Variants in TVP23B observed in about 807,000 individuals in gnomAD.
The protein encoded by TVP23B is trans-golgi network vesicle protein 23 homolog B, also known as Golgi apparatus membrane protein TVP23 homolog B.
Under a neutral mutation model 30.6 loss-of-function variants are expected in TVP23B, and 10 were observed. That is an observed-to-expected ratio of 0.33 (90% CI 0.20 to 0.55). The LOEUF is 0.55. Among genes scored for constraint, TVP23B ranks in the 20% least tolerant of loss-of-function variants. The pLI is 0.91. For missense variants in TVP23B, 153 were observed against 243.2 expected (o/e 0.63, Z 2.47); for synonymous variants, 67 against 83.1 (o/e 0.81, Z 1.06).
intron 1 of TVP23B, among the ~76,000 whole-genome samples, chr17:18,783,075 C>CTGTTTATTTATTTATT (rs2035832860): frequency 1.3e-5 from 1 of 77,258 alleles, no homozygotes; most frequent in African/African-American, 4.2e-5. Context: ...ACTGTTCCCA[C>CTGTTTATTTATTTATT]TATTTATTTA....
At chr17:18,802,185 G>T (rs565117991) in intron 5 of TVP23B, among the ~76,000 whole-genome samples, 2 of 152,084 alleles carry the variant, frequency 1.3e-5, no homozygotes, top group Non-Finnish European at 2.9e-5. Context: ...TCGTGCCACC[G>T]CACTCCAGCC....
rs142801332 is a variant in TVP23B at position 18,799,367 on chromosome 17, C to T, written c.462+424C>T. On this transcript the variant is annotated intron_variant, in intron 5 of 6. Transcript: ENST00000307767. The stretch of plus-strand genomic sequence containing the variant: ...TGGAATGATGGGGGTTGTGAGCCAT[C>T]TCCTCTTCATGAGGTCCCATGGCCT... Among the ~76,000 whole-genome samples the T allele has an allele frequency of 7.5e-3, 1,144 of 151,696 alleles. 13 individuals carry two copies. Among genetic ancestry groups the T allele is most frequent in the African/African-American group, 0.026 (1,075 of 41,310 alleles).
At chr17:18,790,451 G>A (rs546351225) in intron 2 of TVP23B, among the ~76,000 whole-genome samples, 16 of 130,852 alleles carry the variant, frequency 1.2e-4, no homozygotes, top group African/African-American at 2.6e-4. Context: ...GCGACGGAGC[G>A]AGACTCCGTC....
Position 18,805,712 on chromosome 17 carries a change from A to C in TVP23B, c.*145A>C. On this transcript the variant is annotated 3_prime_UTR_variant, in exon 7 of 7. Transcript: ENST00000307767. ...AACTTTATTTATAAAAAGGAAAAGT[A>C]GTTTTCATATTAAGTTTTTATTTCC... is the stretch of plus-strand genomic sequence containing the variant. 1 of 1,462,912 alleles carries C rather than the reference A, an allele frequency of 6.8e-7. No individual in the cohort carries two copies. The highest frequency in any genetic ancestry group is 9.0e-7 in the Non-Finnish European group (1 of 1,107,488). The allele number at this position is 1,462,912 out of a possible 1,614,324, so 90.6% of individuals were successfully genotyped here. A position where few individuals can be genotyped will look rare whatever the true frequency, so the allele number is the denominator to read the frequency against.
chr17:18,794,232 T>C (rs1223777056), intron 3 of TVP23B, among the ~76,000 whole-genome samples: 1 of 152,226 alleles, frequency 6.6e-6, no homozygotes, highest in Admixed American at 6.5e-5. Flanking sequence ...TTTGGGACTT[T>C]GTATGACAGA....
chr17:18,784,292 C>T (rs1378571383), intron 1 of TVP23B, among the ~76,000 whole-genome samples: 2 of 152,210 alleles, frequency 1.3e-5, no homozygotes, highest in Non-Finnish European at 2.9e-5. Context: ...GTCAGTCTCT[C>T]TTCCCCTCTC....
Position 18,787,402 on chromosome 17 carries a change from CA to C in TVP23B, c.13-1934del, listed in dbSNP as rs565447334. Among the ~76,000 whole-genome samples, 321 of 90,016 alleles carry C rather than the reference CA, an allele frequency of 3.6e-3. 2 individuals carry two copies. The highest frequency in any genetic ancestry group is 7.8e-3 in the Admixed American group (66 of 8,504). The allele number at this position is 90,016 out of a possible 152,430, so 59.1% of individuals were successfully genotyped here. On this transcript the variant is annotated intron_variant, in intron 1 of 6. Transcript: ENST00000307767. Reference sequence around the variant, plus strand: ...TGGGCGACAGAGCAAGACTCTGTCTCAAAAAAAAAAAAAAAAACCTTGTCTT... The same window carrying C: ...TGGGCGACAGAGCAAGACTCTGTCTCAAAAAAAAAAAAAAAACCTTGTCTT...
At chr17:18,789,188 G>C in intron 1 of TVP23B, 165 bp from the exon 2 acceptor site, 1 of 1,067,030 alleles carries the variant, frequency 9.4e-7, no homozygotes, top group Non-Finnish European at 1.3e-6. Context: ...GATTTGAGGA[G>C]GCGGGTGGAG....
At chr17:18,783,585 A>G (rs2035847400) in intron 1 of TVP23B, among the ~76,000 whole-genome samples, 1 of 152,062 alleles carries the variant, frequency 6.6e-6, no homozygotes, top group Admixed American at 6.6e-5. Context: ...TTCTTGTTTC[A>G]CTGAAAATGG....
intron 3 of TVP23B, 147 bp downstream of exon 3, chr17:18,791,187 G>GTTTT (rs762889436): frequency 1.3e-3 from 146 of 112,208 alleles, no homozygotes; most frequent in East Asian, 3.3e-3. Flanking sequence ...ATTGCATGTA[G>GTTTT]TTTTTTTTTT....
At chr17:18,800,468 T>C (rs1224586396) in intron 5 of TVP23B, among the ~76,000 whole-genome samples, 1 of 152,238 alleles carries the variant, frequency 6.6e-6, no homozygotes, top group Non-Finnish European at 1.5e-5. Flanking sequence ...TTTAAACATA[T>C]GAGCCTATTG....
At position 18,789,365 on chromosome 17, in the gene TVP23B, G is replaced by A. The variant is rs780048513; in HGVS notation, c.25G>A (p.Asp9Asn). 4.3e-6 allele frequency: 7 copies of A among 1,613,836 alleles called. No individual in the cohort carries two copies. The Admixed American group carries it at 1.2e-4, about 27-fold the overall frequency. Residue 9 changes from aspartate (D) to asparagine (N), a missense_variant, in exon 2 of 7, where the codon GAC (aspartate) becomes AAC (asparagine). Physicochemically the swap from Asp to Asn is conservative, Grantham distance 23 (BLOSUM62 1). This residue lies in a region of TVP23B where 38 missense variants were observed against 40.9 expected (regional missense o/e 0.93). Coordinates refer to ENST00000307767, the MANE Select transcript of TVP23B (RefSeq NM_016078.6). ...TTTTTCCTACCAGGATAGTAATGAT[G>A]ACACTGAAGATGTTTCACTGTTTGA... MLQQDSND[D>N]TEDVSLFDAE...
intron 5 of TVP23B, among the ~76,000 whole-genome samples, chr17:18,801,172 A>T (rs1295168980): frequency 6.6e-6 from 1 of 152,200 alleles, no homozygotes; most frequent in Admixed American, 6.5e-5. Context: ...ATCTCCTGTT[A>T]TCTCACCCTC....
rs2035958174 is a variant in TVP23B, at chr17:18,789,410, A to G, written c.70A>G (p.Asn24Asp). 1 of 1,613,890 alleles carries G rather than the reference A, an allele frequency of 6.2e-7. No individual in the cohort carries two copies. The highest frequency in any genetic ancestry group is 1.3e-5 in the African/African-American group (1 of 74,930). The change falls in exon 2 of 7, where the codon AAT becomes GAT. Residue 24 changes from asparagine to aspartate, a missense_variant. Asn to Asp is a conservative substitution (Grantham distance 23). Transcript: ENST00000307767. The stretch of plus-strand genomic sequence containing the variant: ...GTTTGATGCGGAAGAGGAGACGACT[A>G]ATAGACCAAGAAAAGCCAAAATCAG... Reference protein sequence around the residue: ...SLFDAEEETTNRPRKAKIRHP... With the variant: ...SLFDAEEETTDRPRKAKIRHP...
chr17:18,799,707 T>A (rs2036127897), intron 5 of TVP23B, among the ~76,000 whole-genome samples: 1 of 152,166 alleles, frequency 6.6e-6, no homozygotes, highest in Admixed American at 6.5e-5. Context: ...TTACTCTTTT[T>A]TATATCTCAT....
intron 3 of TVP23B, 190 bp from the exon 4 acceptor site, chr17:18,797,389 A>G (rs1477291763): frequency 2.9e-6 from 3 of 1,024,520 alleles, no homozygotes; most frequent in Non-Finnish European, 2.8e-6. Context: ...CTCTACCCCT[A>G]TTAGTCCTGC....
chr17:18,800,753 T>G (rs978870136), intron 5 of TVP23B, among the ~76,000 whole-genome samples: 13 of 152,184 alleles, frequency 8.5e-5, no homozygotes, highest in African/African-American at 3.1e-4. Context: ...CAGGAAAATT[T>G]TTTCTGTTAA....
rs1597610863 is a variant in TVP23B, at chr17:18,781,318, G to A, written c.12+13G>A. On this transcript the variant is annotated intron_variant, in intron 1 of 6. Coordinates refer to ENST00000307767, the MANE Select transcript of TVP23B (RefSeq NM_016078.6). ...CATGTTGCAGCAGGTGAGGGGCTGA[G>A]GGCTCGCTGGGAGGGTGGCGGCTCC... 2.5e-6 allele frequency: 4 copies of A among 1,578,472 alleles called. No individual in the cohort carries two copies. Among genetic ancestry groups the A allele is most frequent in the African/African-American group, 1.3e-5 (1 of 74,280 alleles).
intron 3 of TVP23B, among the ~76,000 whole-genome samples, chr17:18,794,694 A>T (rs1462730542): frequency 2.0e-5 from 3 of 152,174 alleles, no homozygotes; most frequent in Non-Finnish European, 4.4e-5. Flanking sequence ...GGGAACACAG[A>T]AGAGTTTGAA....
Sources: allele counts gnomAD v4.1 joint callset (sites outside exome capture counted in the v4.1 genomes callset), GRCh38; gene constraint gnomAD v4.1.1; regional missense constraint gnomAD v4.1.1; transcripts MANE v1.5; gene names NCBI Gene and HGNC (gene_info 2026-07-23, HGNC 2026-07-21).